TAF9: variants seen among roughly 807,000 people sequenced by gnomAD.
TAF9 encodes the protein TATA-box binding protein associated factor 9, also known as transcription initiation factor TFIID subunit 9.
Under a neutral mutation model 16.5 loss-of-function variants are expected in TAF9, and 10 were observed. The ratio of observed to expected loss-of-function variants is 0.61; its 90% confidence interval spans 0.37 to 1.03. The LOEUF is 1.03. Ranked by LOEUF, TAF9 falls within the 50% of genes least tolerant of loss-of-function variation. The probability of loss-of-function intolerance (pLI) is 0.01; values close to 1 mark genes in which losing one functional copy is unlikely to be tolerated. For synonymous variants in TAF9, 105 were observed against 120.5 expected (o/e 0.87, Z 0.84); for missense variants, 288 against 319.1 (o/e 0.90, Z 0.74).
rs376649410 is a variant in TAF9, at chr5:69,369,500, C to G, written c.-148G>C. The G allele has an allele frequency of 6.2e-7, 1 of 1,611,534 alleles. No homozygotes were observed. Among genetic ancestry groups the G allele is most frequent in the Non-Finnish European group, 8.5e-7 (1 of 1,179,360 alleles). On this transcript the variant is annotated 5_prime_UTR_variant, in exon 1 of 3. Coordinates refer to ENST00000217893, the MANE Select transcript of TAF9 (RefSeq NM_003187.5). ...TGTTCGGAAGCAACATGGTCCCCGC[C>G]GCGACGGCTTCGGGCGCCTCGCTCA... is the stretch of plus-strand genomic sequence containing the variant.
chr5:69,366,511 G>T lies in TAF9; in HGVS notation c.-26C>A. 6.2e-7 allele frequency: 1 copy of T among 1,612,960 alleles called. No homozygotes were observed. Among genetic ancestry groups the T allele is most frequent in the Non-Finnish European group, 8.5e-7 (1 of 1,179,578 alleles). ...ACCAAAGTGTCCCTTACCTTCTCGAGCTAAATCACCCACATTAATGTATTT... is the reference window on the plus strand; with the variant it reads ...ACCAAAGTGTCCCTTACCTTCTCGATCTAAATCACCCACATTAATGTATTT... On this transcript the variant is annotated 5_prime_UTR_variant, in exon 2 of 3. Coordinates refer to ENST00000217893, the MANE Select transcript of TAF9 (RefSeq NM_003187.5).
intron 1 of TAF9, chr5:69,367,930 G>T (rs1163338630): frequency 1.3e-5 from 2 of 152,212 alleles, no homozygotes; most frequent in Non-Finnish European, 1.5e-5. Context: ...TTTGGGAGGA[G>T]AAGGCGGGAG....
chr5:69,365,876 T>C (rs890177735), intron 2 of TAF9, 122 bp from the exon 3 acceptor site: 19 of 640,824 alleles, frequency 3.0e-5, no homozygotes, highest in Middle Eastern at 3.9e-4. Flanking sequence ...ATTTTTAAAA[T>C]TTAAACCATA....
rs771317193 is a variant in TAF9 at position 69,364,925 on chromosome 5, A to G, written c.*18T>C. 6.3e-7 allele frequency: 1 copy of G among 1,591,362 alleles called. No homozygotes were observed. Among genetic ancestry groups the G allele is most frequent in the Non-Finnish European group, 8.6e-7 (1 of 1,169,426 alleles). ...GAATTCAAGACCAAGTATACATGTT[A>G]CATTCAGCAAGGCTAGATTACAGAT... On this transcript the variant is annotated 3_prime_UTR_variant, in exon 3 of 3. Transcript: ENST00000217893.
chr5:69,366,686 A>C (rs1762440670), intron 1 of TAF9, 91 bp from the exon 2 acceptor site: 1 of 969,836 alleles, frequency 1.0e-6, no homozygotes, highest in African/African-American at 1.6e-5. Context: ...TTTTTGAGAC[A>C]GAGTCTCACC....
Position 69,364,945 on chromosome 5 carries a change from A to T in TAF9, c.793T>A (p.Ter265LysextTer13). 6.2e-7 allele frequency: 1 copy of T among 1,607,166 alleles called. No individual in the cohort carries two copies. Among genetic ancestry groups the T allele is most frequent in the Non-Finnish European group, 8.5e-7 (1 of 1,176,888 alleles). The change falls in exon 3 of 3, where the codon TAA becomes AAA. Residue 265 changes from the stop codon to lysine (K), a stop_lost. Transcript: ENST00000217893. The stretch of plus-strand genomic sequence containing the variant: ...ATGTTACATTCAGCAAGGCTAGATT[A>T]CAGATTATCATAGTCATCATCATCA... Reference protein sequence around the residue: ...DDDDDDYDNL* With the variant: ...DDDDDDYDNLK
rs771434861 is a variant in TAF9 at position 69,366,502 on chromosome 5, C to A, written c.-18+1G>T. On this transcript the variant is annotated splice_donor_variant, in intron 2 of 2. Transcript: ENST00000217893. LOFTEE classifies it low-confidence loss of function (5UTR_SPLICE). Reference sequence around the variant, plus strand: ...AAATCTAACACCAAAGTGTCCCTTACCTTCTCGAGCTAAATCACCCACATT... The same window carrying A: ...AAATCTAACACCAAAGTGTCCCTTAACTTCTCGAGCTAAATCACCCACATT... The A allele has an allele frequency of 1.2e-6, 2 of 1,612,130 alleles. No individual in the cohort carries two copies. The highest frequency in any genetic ancestry group is 1.3e-5 in the African/African-American group (1 of 74,994).
intron 1 of TAF9, 90 bp downstream of exon 1, chr5:69,369,373 T>G: frequency 6.8e-7 from 1 of 1,469,792 alleles, no homozygotes; most frequent in Non-Finnish European, 9.2e-7. Flanking sequence ...AAGAGGGCAG[T>G]GAGGGGCCCC....
intron 1 of TAF9, among the ~76,000 whole-genome samples, chr5:69,366,989 C>T (rs1762457931): frequency 6.6e-6 from 1 of 151,970 alleles, no homozygotes; most frequent in Admixed American, 6.5e-5. Context: ...AAACTCCTAA[C>T]CTCAGGTGAT....
intron 1 of TAF9, 94 bp downstream of exon 1, chr5:69,369,369 G>T: frequency 7.0e-7 from 1 of 1,424,490 alleles, no homozygotes; most frequent in Non-Finnish European, 9.5e-7. Flanking sequence ...TCTGAAGAGG[G>T]CAGTGAGGGG....
intron 1 of TAF9, chr5:69,367,909 A>C (rs1222542876): frequency 6.6e-6 from 1 of 152,250 alleles, no homozygotes. Context: ...TCGCGCGTGT[A>C]ATCCCAGCAA....
chr5:69,369,397 G>A (rs1762744495), intron 1 of TAF9, 66 bp downstream of exon 1: 21 of 1,569,042 alleles, frequency 1.3e-5, no homozygotes, highest in African/African-American at 4.2e-5. Flanking sequence ...CTGGGCGCCC[G>A]ATGCCCAGAG....
At position 69,365,348 on chromosome 5, in the gene TAF9, T is replaced by C. The variant is rs751637177; in HGVS notation, c.390A>G (p.Lys130=). The change falls in exon 3 of 3, where the codon AAA becomes AAG. Residue 130 remains lysine, a synonymous_variant. Coordinates refer to ENST00000217893, the MANE Select transcript of TAF9 (RefSeq NM_003187.5). ...YCLTAPNYRL[K]SLQKKASTSA... Reference sequence around the variant, plus strand: ...AAGTTGATGCCTTTTTCTGTAAAGATTTCAGCCTATAGTTTGGAGCTGTTA... The same window carrying C: ...AAGTTGATGCCTTTTTCTGTAAAGACTTCAGCCTATAGTTTGGAGCTGTTA... 1.9e-6 allele frequency: 3 copies of C among 1,614,242 alleles called. No individual in the cohort carries two copies. The highest frequency in any genetic ancestry group is 2.5e-6 in the Non-Finnish European group (3 of 1,180,036).
chr5:69,369,559 G>A, upstream of TAF9: 2 of 1,608,796 alleles, frequency 1.2e-6, no homozygotes, highest in Non-Finnish European at 1.7e-6. Context: ...GAGCCGGAAG[G>A]GGCGGGCGGC....
intron 1 of TAF9, 149 bp downstream of exon 1, chr5:69,369,314 C>T: frequency 1.5e-6 from 1 of 667,626 alleles, no homozygotes; most frequent in Non-Finnish European, 2.1e-6. Flanking sequence ...CCGCGAGGGT[C>T]GGCTCCCGGG....
At chr5:69,367,327 A>G (rs1300025379) in intron 1 of TAF9, among the ~76,000 whole-genome samples, 1 of 151,694 alleles carries the variant, frequency 6.6e-6, no homozygotes, top group Admixed American at 6.6e-5. Flanking sequence ...CCTGGCCAAC[A>G]TAGTGAAACT....
intron 1 of TAF9, 141 bp downstream of exon 1, chr5:69,369,321 CG>C: frequency 1.1e-6 from 1 of 871,716 alleles, no homozygotes; most frequent in Non-Finnish European, 1.6e-6. Context: ...GGTCGGCTCC[CG>C]GGGCGCTGAC....
upstream of TAF9, chr5:69,369,642 C>G (rs771637150): frequency 6.4e-7 from 1 of 1,563,314 alleles, no homozygotes; most frequent in Non-Finnish European, 8.7e-7. Context: ...GGCCCAGCCG[C>G]GGCCCACTGG....
Position 69,364,795 on chromosome 5 carries a change from C to T in TAF9, c.*148G>A. On this transcript the variant is annotated 3_prime_UTR_variant, in exon 3 of 3. Transcript: ENST00000217893. Reference sequence around the variant, plus strand: ...TACACTTTTAAGGCTGATGAAAAACCTTCATTTCAATTGAAAAGTATGGTA... The same window carrying T: ...TACACTTTTAAGGCTGATGAAAAACTTTCATTTCAATTGAAAAGTATGGTA... 1 of 762,944 alleles carries T rather than the reference C, an allele frequency of 1.3e-6. No homozygotes were observed. The highest frequency in any genetic ancestry group is 2.1e-6 in the Non-Finnish European group (1 of 467,706). 47.3% of individuals were successfully genotyped at this position (762,944 alleles called of 1,614,324 possible).
Sources: gnomAD v4.1 joint callset for allele counts (sites outside exome capture counted in the v4.1 genomes callset) on GRCh38, gnomAD v4.1.1 for gene constraint, MANE v1.5 for transcripts, NCBI Gene and HGNC (gene_info 2026-07-23, HGNC 2026-07-21) for gene names.